The following RARB variants were observed in gnomAD, a reference collection of about 807,000 sequenced individuals.
The protein encoded by RARB is HBV-activated protein.
RARB carries 17 observed loss-of-function variants against 51.9 expected under a neutral mutation model. That is an observed-to-expected ratio of 0.33 (90% CI 0.22 to 0.49). The LOEUF is 0.49. Among genes scored for constraint, RARB ranks in the 20% least tolerant of loss-of-function variants. RARB has a pLI of 0.99. For missense variants in RARB, 369 were observed against 550.8 expected (o/e 0.67, Z 3.30); for synonymous variants, 215 against 195.4 (o/e 1.10, Z -0.84).
At chr3:25,310,575 T>C (rs1381113874) in intron 5 of RARB, among the ~76,000 whole-genome samples, 1 of 152,194 alleles carries the variant, frequency 6.6e-6, no homozygotes, top group East Asian at 1.9e-4. Context: ...ATTCTTCAGA[T>C]GTGATTGTCC....
intron 2 of RARB, among the ~76,000 whole-genome samples, chr3:24,958,283 TTTTTTTA>T (rs1696066284): frequency 7.1e-6 from 1 of 140,752 alleles, no homozygotes; most frequent in African/African-American, 2.8e-5. Flanking sequence ...TTTTTTTTTT[TTTTTTTA>T]GCTGTCATGG....
At chr3:25,091,984 A>G (rs916220051) in intron 3 of RARB, among the ~76,000 whole-genome samples, 3 of 152,180 alleles carry the variant, frequency 2.0e-5, no homozygotes, top group African/African-American at 2.4e-5. Context: ...ACTCAAATTA[A>G]GAAACCAGTT....
intron 5 of RARB, among the ~76,000 whole-genome samples, chr3:25,419,905 A>G (rs1575387691): frequency 6.6e-6 from 1 of 152,210 alleles, no homozygotes; most frequent in African/African-American, 2.4e-5. Flanking sequence ...AACTTCATCA[A>G]GTAAACAATA....
chr3:24,966,934 T>A (rs886117972), intron 2 of RARB, among the ~76,000 whole-genome samples: 4 of 152,140 alleles, frequency 2.6e-5, no homozygotes, highest in African/African-American at 9.6e-5. Context: ...ACATTTTCAT[T>A]TTCCATACTT....
At chr3:25,343,914 A>C (rs769804928) in intron 5 of RARB, among the ~76,000 whole-genome samples, 11 of 152,176 alleles carry the variant, frequency 7.2e-5, no homozygotes, top group Admixed American at 1.3e-4. Flanking sequence ...AGCTCAGAAA[A>C]AGGGAAATTG....
rs185511815 is a variant in RARB at position 25,467,359 on chromosome 3, G to T, written c.306+6018G>T. ...TCTTGGCTGACTTGGCTTGGGCCAG[G>T]TGGTCTAGGACGGTCTCACTCACAT... On this transcript the variant is annotated intron_variant, in intron 2 of 7. Transcript: ENST00000330688. Among the ~76,000 whole-genome samples, 72 of 152,360 alleles carry T rather than the reference G, an allele frequency of 4.7e-4. 1 individual carries two copies. The East Asian group carries it at 0.011, about 23-fold the overall frequency.
At chr3:25,378,294 T>C (rs1260031172) in intron 5 of RARB, among the ~76,000 whole-genome samples, 1 of 152,198 alleles carries the variant, frequency 6.6e-6, no homozygotes, top group African/African-American at 2.4e-5. Flanking sequence ...TGAGGATTTA[T>C]GGCTCTACAG....
intron 4 of RARB, among the ~76,000 whole-genome samples, chr3:25,575,228 G>C (rs1700879017): frequency 6.6e-6 from 1 of 152,160 alleles, no homozygotes; most frequent in Non-Finnish European, 1.5e-5. Flanking sequence ...GAAGGAGGTG[G>C]AGTTCTGGCG....
At chr3:25,530,556 A>G (rs1698858966) in intron 3 of RARB, among the ~76,000 whole-genome samples, 1 of 152,160 alleles carries the variant, frequency 6.6e-6, no homozygotes, top group Non-Finnish European at 1.5e-5. Context: ...ACTTGTGGCC[A>G]CTTCCATCTT....
intron 5 of RARB, among the ~76,000 whole-genome samples, chr3:25,364,631 A>G (rs544601941): frequency 4.6e-5 from 7 of 152,354 alleles, no homozygotes; most frequent in African/African-American, 1.7e-4. Context: ...TAAGAGAGCA[A>G]TGGAAGACTT....
chr3:25,371,122 C>T (rs1360045092), intron 5 of RARB, among the ~76,000 whole-genome samples: 1 of 152,120 alleles, frequency 6.6e-6, no homozygotes, highest in Non-Finnish European at 1.5e-5. Flanking sequence ...GAATATATCT[C>T]CCAACATTCA....
At chr3:24,855,535 G>A (rs1488319556) in intron 1 of RARB, among the ~76,000 whole-genome samples, 1 of 152,092 alleles carries the variant, frequency 6.6e-6, no homozygotes, top group African/African-American at 2.4e-5. Context: ...CCTTCTCTGA[G>A]AAATAAACAT....
chr3:24,867,915 G>T (rs138496297), intron 2 of RARB, among the ~76,000 whole-genome samples: 1 of 152,108 alleles, frequency 6.6e-6, no homozygotes, highest in Admixed American at 6.6e-5. Context: ...ATTTCAAGTC[G>T]ACTGTGAAAT....
chr3:25,012,256 A>G (rs920003131), intron 2 of RARB, among the ~76,000 whole-genome samples: 1 of 152,098 alleles, frequency 6.6e-6, no homozygotes, highest in African/African-American at 2.4e-5. Context: ...AAATATTACT[A>G]ATACGTAGGA....
At chr3:24,832,744 A>G (rs1374765227) in intron 1 of RARB, among the ~76,000 whole-genome samples, 2 of 150,590 alleles carry the variant, frequency 1.3e-5, no homozygotes, top group Non-Finnish European at 3.0e-5. Context: ...CTATCCTAGA[A>G]CTTGGGAATG....
At chr3:25,124,884 G>A (rs1699837338) in intron 3 of RARB, among the ~76,000 whole-genome samples, 1 of 152,120 alleles carries the variant, frequency 6.6e-6, no homozygotes, top group Non-Finnish European at 1.5e-5. Context: ...ACAATAGATT[G>A]GTCTTTTCAG....
chr3:25,224,911 A>G (rs1169100032), intron 5 of RARB, among the ~76,000 whole-genome samples: 1 of 152,072 alleles, frequency 6.6e-6, no homozygotes, highest in East Asian at 1.9e-4. Flanking sequence ...GCCACCTCTT[A>G]TTATATACTG....
chr3:25,104,616 C>T (rs548587990), intron 3 of RARB, among the ~76,000 whole-genome samples: 5 of 152,214 alleles, frequency 3.3e-5, no homozygotes, highest in East Asian at 3.9e-4. Flanking sequence ...TGCACTCCAG[C>T]TTGGGTGACA....
intron 5 of RARB, among the ~76,000 whole-genome samples, chr3:25,312,603 A>G (rs1400677348): frequency 6.6e-6 from 1 of 152,252 alleles, no homozygotes; most frequent in African/African-American, 2.4e-5. Flanking sequence ...GACATTGCAA[A>G]TAGAAGCCTG....
Sources: gnomAD v4.1 joint callset for allele counts (sites outside exome capture counted in the v4.1 genomes callset) on GRCh38, gnomAD v4.1.1 for gene constraint, MANE v1.5 for transcripts, NCBI Gene and HGNC (gene_info 2026-07-23, HGNC 2026-07-21) for gene names.